Variants in HTR4 observed in about 807,000 individuals in gnomAD.
HTR4 encodes 5-hydroxytryptamine receptor 4.
Under a neutral mutation model 36.8 loss-of-function variants are expected in HTR4, and 16 were observed. The observed-to-expected ratio is 0.43, with a 90% CI of 0.29 to 0.66. The LOEUF is 0.66. HTR4 is among the 30% of genes least tolerant of loss of function. HTR4 has a pLI of 0.13. For missense variants in HTR4, 438 were observed against 490.9 expected (o/e 0.89, Z 1.02); for synonymous variants, 189 against 185.1 (o/e 1.02, Z -0.17).
intron 5 of HTR4, among the ~76,000 whole-genome samples, chr5:148,469,590 G>T (rs1008616829): frequency 1.3e-5 from 2 of 152,202 alleles, no homozygotes; most frequent in Non-Finnish European, 2.9e-5. Flanking sequence ...CCTACACGGG[G>T]GTTGTGTTTG....
At chr5:148,624,170 G>A (rs1229653102) in intron 2 of HTR4, among the ~76,000 whole-genome samples, 2 of 152,204 alleles carry the variant, frequency 1.3e-5, no homozygotes, top group Non-Finnish European at 1.5e-5. Flanking sequence ...ACTTGTAGAA[G>A]AGGAGTAATG....
chr5:148,624,569 G>A (rs1032847814), intron 2 of HTR4, among the ~76,000 whole-genome samples: 1 of 152,198 alleles, frequency 6.6e-6, no homozygotes, highest in African/African-American at 2.4e-5. Flanking sequence ...TGTTGTCCCT[G>A]TCATTAGCAA....
rs77761227 is a variant in HTR4 at position 148,618,015 on chromosome 5, G to A, written c.26+18974C>T. On this transcript the variant is annotated intron_variant, in intron 2 of 6. Coordinates refer to ENST00000377888, the MANE Select transcript of HTR4 (RefSeq NM_000870.7). ...CCTCTTCGGCAACAGCTTCATTCCT[G>A]GGCCAGCTCTCTCCAAAACGTGAGG... is the stretch of plus-strand genomic sequence containing the variant. 2.1e-3 allele frequency among the ~76,000 whole-genome samples: 315 copies of A among 152,036 alleles called. 9 individuals are homozygous for A. In the South Asian group the frequency reaches 0.042, roughly 20 times the overall value.
At chr5:148,652,182 G>T (rs1365194092) in intron 1 of HTR4, among the ~76,000 whole-genome samples, 3 of 152,058 alleles carry the variant, frequency 2.0e-5, no homozygotes, top group Non-Finnish European at 4.4e-5. Context: ...CCAAGTAAGG[G>T]TCTTACCTGA....
At chr5:148,460,181 T>C (rs1483872637) in intron 5 of HTR4, among the ~76,000 whole-genome samples, 1 of 148,512 alleles carries the variant, frequency 6.7e-6, no homozygotes. Context: ...GCACCACAAG[T>C]ATACAAGAAA....
intron 6 of HTR4, among the ~76,000 whole-genome samples, chr5:148,496,120 C>G (rs927932096): frequency 6.6e-6 from 1 of 152,098 alleles, no homozygotes; most frequent in Non-Finnish European, 1.5e-5. Flanking sequence ...TTATAAGAAC[C>G]TAATAATTCT....
chr5:148,633,069 A>T (rs1753383514), intron 2 of HTR4, among the ~76,000 whole-genome samples: 2 of 152,086 alleles, frequency 1.3e-5, no homozygotes, highest in Admixed American at 1.3e-4. Context: ...AGACCAATAA[A>T]ACAGATCAGG....
chr5:148,467,851 G>A (rs1755466922), intron 5 of HTR4, among the ~76,000 whole-genome samples: 1 of 152,082 alleles, frequency 6.6e-6, no homozygotes, highest in Non-Finnish European at 1.5e-5. Flanking sequence ...AACCATAATT[G>A]TACAAAGCCC....
chr5:148,560,180 TC>T (rs1239563839), intron 2 of HTR4, among the ~76,000 whole-genome samples: 19 of 148,470 alleles, frequency 1.3e-4, no homozygotes, highest in Non-Finnish European at 2.5e-4. Flanking sequence ...TTTTCTTTTT[TC>T]TTTTTTACGG....
At position 148,509,667 on chromosome 5, in the gene HTR4, C is replaced by G. The variant is rs200852002; in HGVS notation, c.865G>C (p.Val289Leu). Residue 289 changes from valine (V) to leucine (L), a missense_variant, in exon 6 of 7, where the codon GTC becomes CTC. By Grantham distance (32) the Val-to-Leu change is conservative. Coordinates refer to ENST00000377888, the MANE Select transcript of HTR4 (RefSeq NM_000870.7). ...NIVDPFIDYT[V>L]PGQVWTAFLW... Reference sequence around the variant, plus strand: ...AAAGCAGTCCACACCTGCCCAGGGACAGTGTAGTCTATGAAAGGATCCACA... The same window carrying G: ...AAAGCAGTCCACACCTGCCCAGGGAGAGTGTAGTCTATGAAAGGATCCACA... The G allele has an allele frequency of 1.1e-5, 18 of 1,614,110 alleles. No homozygotes were observed. The highest frequency in any genetic ancestry group is 1.5e-5 in the Non-Finnish European group (18 of 1,179,994).
chr5:148,650,067 T>C lies in HTR4; in HGVS notation c.-48+3995A>G, dbSNP rs1325959962. Reference sequence around the variant, plus strand: ...TTAATTTGTAATTTTTGTGGGTACATAGTAGGGTACATGAGATGTTTTCAT... The same window carrying C: ...TTAATTTGTAATTTTTGTGGGTACACAGTAGGGTACATGAGATGTTTTCAT... On this transcript the variant is annotated intron_variant, in intron 1 of 6. Transcript: ENST00000377888. 4.6e-5 allele frequency among the ~76,000 whole-genome samples: 7 copies of C among 152,196 alleles called. No individual in the cohort carries two copies. The East Asian group carries it at 1.4e-3, about 29-fold the overall frequency.
At chr5:148,496,155 T>A (rs1198450494) in intron 6 of HTR4, among the ~76,000 whole-genome samples, 1 of 152,198 alleles carries the variant, frequency 6.6e-6, no homozygotes, top group Non-Finnish European at 1.5e-5. Context: ...CTTGAAGCCC[T>A]GAATCACAAT....
chr5:148,485,395 T>A (rs1464465292), intron 6 of HTR4, among the ~76,000 whole-genome samples: 1 of 152,218 alleles, frequency 6.6e-6, no homozygotes, highest in African/African-American at 2.4e-5. Flanking sequence ...TTGTCATTCA[T>A]CATTTTGACA....
intron 6 of HTR4, chr5:148,484,503 T>A (rs1038562969): frequency 1.0e-5 from 9 of 857,902 alleles, no homozygotes; most frequent in Non-Finnish European, 1.4e-5. Context: ...GGGGCAATAT[T>A]TACTATCTCC....
At chr5:148,502,215 AC>A (rs1756965830) in intron 6 of HTR4, among the ~76,000 whole-genome samples, 1 of 152,108 alleles carries the variant, frequency 6.6e-6, no homozygotes, top group Non-Finnish European at 1.5e-5. Context: ...TGGGTCCCTG[AC>A]CCCCAAGTAG....
At chr5:148,522,850 G>T (rs1224697401) in intron 5 of HTR4, among the ~76,000 whole-genome samples, 1 of 152,130 alleles carries the variant, frequency 6.6e-6, no homozygotes, top group African/African-American at 2.4e-5. Context: ...TCACCTGGGA[G>T]ATGGTGGAGG....
At chr5:148,639,617 GTATATATATATATATA>G (rs370514542) in intron 1 of HTR4, among the ~76,000 whole-genome samples, 1 of 111,866 alleles carries the variant, frequency 8.9e-6, no homozygotes, top group African/African-American at 3.7e-5. Context: ...TTTCTTCCCA[GTATATATATATATATA>G]TATATATATA....
At chr5:148,628,823 C>T (rs1459196717) in intron 2 of HTR4, 2 of 152,130 alleles carry the variant, frequency 1.3e-5, no homozygotes, top group Non-Finnish European at 2.9e-5. Flanking sequence ...TAATTCACAG[C>T]TTCAATCACG....
intron 3 of HTR4, among the ~76,000 whole-genome samples, chr5:148,549,090 T>A (rs1759546815): frequency 6.6e-6 from 1 of 152,172 alleles, no homozygotes. Context: ...GTCCAGCCTC[T>A]CCTGACTTCT....
Sources: allele counts gnomAD v4.1 joint callset (sites outside exome capture counted in the v4.1 genomes callset), GRCh38; gene constraint gnomAD v4.1.1; transcripts MANE v1.5; gene names NCBI Gene and HGNC (gene_info 2026-07-23, HGNC 2026-07-21).